AKT2: variants seen among roughly 807,000 people sequenced by gnomAD.
AKT2 encodes AKT serine/threonine kinase 2.
Under a neutral mutation model 58.6 loss-of-function variants are expected in AKT2, and 16 were observed. That is an observed-to-expected ratio of 0.27 (90% CI 0.18 to 0.41). The LOEUF (loss-of-function observed/expected upper bound fraction) is 0.41. Among genes scored for constraint, AKT2 ranks in the 10% least tolerant of loss-of-function variants. The pLI, the probability that AKT2 is intolerant of heterozygous loss-of-function variation, is 1.00. For synonymous variants in AKT2, 253 were observed against 254.0 expected (o/e 1.00, Z 0.04); for missense variants, 438 against 661.0 (o/e 0.66, Z 3.70).
At position 40,238,799 on chromosome 19, in the gene AKT2, C is replaced by G. The variant is rs1974191413; in HGVS notation, c.708+106G>C. 7.9e-7 allele frequency: 1 copy of G among 1,262,194 alleles called. No individual in the cohort carries two copies. The highest frequency in any genetic ancestry group is 1.7e-5 in the Admixed American group (1 of 59,232). The allele number at this position is 1,262,194 out of a possible 1,614,324, so 78.2% of individuals were successfully genotyped here. ...CAAGGGAGAGGGGCACTAGATGACA[C>G]TGAAATTTCCCTCCACCCTTCCATC... On this transcript the variant is annotated intron_variant, in intron 8 of 13. Transcript: ENST00000392038. This position sits in a 1 kb window ranked among gnomAD's most constrained non-coding sequence, Gnocchi z 5.1.
intron 1 of AKT2, chr19:40,266,447 G>C (rs1249271111): frequency 6.6e-6 from 1 of 152,352 alleles, no homozygotes; most frequent in Non-Finnish European, 1.5e-5. Context: ...AAAGAAGGGA[G>C]GTAAGTGGTA....
intron 1 of AKT2, among the ~76,000 whole-genome samples, chr19:40,281,740 C>G (rs1314722841): frequency 2.0e-5 from 3 of 152,208 alleles, no homozygotes; most frequent in Non-Finnish European, 4.4e-5. Context: ...CTGGCAAAGG[C>G]CTTCAAAGTC....
At chr19:40,262,079 T>C (rs1045676335) in intron 2 of AKT2, among the ~76,000 whole-genome samples, 1 of 151,990 alleles carries the variant, frequency 6.6e-6, no homozygotes, top group Non-Finnish European at 1.5e-5. Context: ...GGCATTTATC[T>C]GTGGCCTTTC....
chr19:40,250,309 C>T (rs896739341), intron 4 of AKT2, among the ~76,000 whole-genome samples: 1 of 151,852 alleles, frequency 6.6e-6, no homozygotes, highest in Non-Finnish European at 1.5e-5. Flanking sequence ...TCGAGACCAG[C>T]CTGACCAACA....
At chr19:40,239,626 C>T in intron 7 of AKT2, 1 of 362,986 alleles carries the variant, frequency 2.8e-6, no homozygotes, top group South Asian at 2.1e-5. Flanking sequence ...ATGGAGACTG[C>T]AGCCCAAACA....
intron 9 of AKT2, 29 bp from the exon 10 acceptor site, chr19:40,236,414 G>T (rs199761707): frequency 1.9e-6 from 3 of 1,613,608 alleles, no homozygotes; most frequent in Non-Finnish European, 2.5e-6. Flanking sequence ...GATCTCAGGT[G>T]CATGCTCCCA....
At chr19:40,256,087 T>G (rs968931484) in intron 3 of AKT2, among the ~76,000 whole-genome samples, 1 of 152,048 alleles carries the variant, frequency 6.6e-6, no homozygotes, top group African/African-American at 2.4e-5. Context: ...GTGGCACTTA[T>G]GAGGACCTTG....
At chr19:40,276,345 C>CTTTTTTTT (rs748551877) in intron 1 of AKT2, among the ~76,000 whole-genome samples, 2 of 58,510 alleles carry the variant, frequency 3.4e-5, no homozygotes, top group African/African-American at 5.9e-5. Flanking sequence ...AAAATGGAAT[C>CTTTTTTTT]TTTTTTTTTT....
At chr19:40,236,701 C>CT (rs1974054616) in intron 9 of AKT2, 11 of 402,258 alleles carry the variant, frequency 2.7e-5, no homozygotes, top group South Asian at 2.0e-4. Flanking sequence ...TTCTTCTATT[C>CT]TTTTTTTCTA....
chr19:40,274,673 G>A, intron 1 of AKT2: 1 of 248,436 alleles, frequency 4.0e-6, no homozygotes, highest in Non-Finnish European at 8.1e-6. Flanking sequence ...AAAACCGGAA[G>A]CAGGTGAGAG....
chr19:40,252,000 G>A (rs994562790), intron 4 of AKT2, among the ~76,000 whole-genome samples: 7 of 152,152 alleles, frequency 4.6e-5, no homozygotes, highest in Admixed American at 2.6e-4. Context: ...TGTGAAACAC[G>A]TCTGCAGTGA....
rs539123721 is a variant in AKT2 at position 40,231,645 on chromosome 19, C to A, written c.*2227G>T. 1 of 233,344 alleles carries A rather than the reference C, an allele frequency of 4.3e-6. No homozygotes were observed. The highest frequency in any genetic ancestry group is 8.5e-6 in the Non-Finnish European group (1 of 118,164). The allele number at this position is 233,344 out of a possible 1,614,324, so 14.5% of individuals were successfully genotyped here. ...CAGCAGGGCAGGCCAGGGCTCTGGT[C>A]CCTGGTCCCTTGCTGGGGGAGGTGT... On this transcript the variant is annotated 3_prime_UTR_variant, in exon 14 of 14. Coordinates refer to ENST00000392038, the MANE Select transcript of AKT2 (RefSeq NM_001626.6).
chr19:40,283,294 G>C (rs2077456273), intron 1 of AKT2: 1 of 152,258 alleles, frequency 6.6e-6, no homozygotes. Context: ...AATGCACTCA[G>C]TTACTGTCAG....
In AKT2 at chr19:40,230,409, G is replaced by A. The variant is rs1001384642; in HGVS notation, c.*3463C>T. The A allele has an allele frequency of 4.5e-6, 1 of 223,898 alleles. No individual in the cohort carries two copies. Among genetic ancestry groups the A allele is most frequent in the African/African-American group, 2.2e-5 (1 of 44,752 alleles). 13.9% of individuals were successfully genotyped at this position (223,898 alleles called of 1,614,324 possible). A position where few individuals can be genotyped will look rare whatever the true frequency, so the allele number is the denominator to read the frequency against. ...TAACGGGGCAGCTGAAGCGGTTGAG[G>A]GGTCTACCCCATGGAACCCCAGGAA... On this transcript the variant is annotated 3_prime_UTR_variant, in exon 14 of 14. Coordinates refer to ENST00000392038, the MANE Select transcript of AKT2 (RefSeq NM_001626.6).
intron 4 of AKT2, 101 bp downstream of exon 4, chr19:40,255,057 C>G (rs768107385): frequency 4.2e-6 from 4 of 955,892 alleles, no homozygotes; most frequent in Non-Finnish European, 6.8e-6. Flanking sequence ...GATAGGAAAC[C>G]CCTATGTAGG....
At chr19:40,261,653 G>A (rs1204881523) in intron 2 of AKT2, among the ~76,000 whole-genome samples, 2 of 151,912 alleles carry the variant, frequency 1.3e-5, no homozygotes, top group African/African-American at 2.4e-5. Context: ...CCTACCTCCA[G>A]AACGGTAAGA....
intron 1 of AKT2, among the ~76,000 whole-genome samples, chr19:40,278,101 A>G (rs2077359331): frequency 6.6e-6 from 1 of 152,234 alleles, no homozygotes; most frequent in African/African-American, 2.4e-5. Context: ...ACTGAGGCCT[A>G]CTTTGTGCCA....
intron 6 of AKT2, 37 bp downstream of exon 6, chr19:40,241,901 C>A (rs1458888250): frequency 1.6e-5 from 25 of 1,612,354 alleles, no homozygotes; most frequent in Non-Finnish European, 2.0e-5. Context: ...CCGCAGCCCC[C>A]ACAGAGGCTC....
chr19:40,239,710 AAAAC>A, intron 7 of AKT2: 5 of 466,560 alleles, frequency 1.1e-5, no homozygotes, highest in Non-Finnish European at 2.0e-5. Flanking sequence ...TCTGAAAACA[AAAAC>A]AAAAAAAATA....
Sources: allele counts gnomAD v4.1 joint callset (sites outside exome capture counted in the v4.1 genomes callset), GRCh38; gene constraint gnomAD v4.1.1; non-coding constraint Gnocchi (gnomAD v3.1); transcripts MANE v1.5; gene names NCBI Gene and HGNC (gene_info 2026-07-23, HGNC 2026-07-21).